The following SLC2A4RG variants were observed in gnomAD, a reference collection of about 807,000 sequenced individuals.
The protein encoded by SLC2A4RG is SLC2A4 regulator.
SLC2A4RG carries 23 observed loss-of-function variants against 35.5 expected under a neutral mutation model. The ratio of observed to expected loss-of-function variants is 0.65; its 90% CI spans 0.47 to 0.92. The LOEUF is 0.92. Among genes scored for constraint, SLC2A4RG ranks in the 40% least tolerant of loss-of-function variants. The pLI is 0.00. For missense variants in SLC2A4RG, 539 were observed against 525.0 expected, an observed-to-expected ratio of 1.03 and a Z score of -0.26; for synonymous variants, 306 against 243.7, an observed-to-expected ratio of 1.26 and a Z score of -2.38.
chr20:63,740,656 G>A (rs1422773783), intron 2 of SLC2A4RG, 125 bp downstream of exon 2: 5 of 981,326 alleles, frequency 5.1e-6, no homozygotes, highest in Middle Eastern at 3.6e-4. Flanking sequence ...CCACCCCCAA[G>A]CTCTTCAGCC....
In SLC2A4RG at chr20:63,739,984, C is replaced by T. The variant is rs962901286; in HGVS notation, c.72C>T (p.Arg24=). 4 of 980,642 alleles carry T rather than the reference C, an allele frequency of 4.1e-6. No individual in the cohort carries two copies. In the African/African-American group the frequency reaches 5.3e-5, roughly 13 times the overall value. 60.7% of individuals were successfully genotyped at this position (980,642 alleles called of 1,614,324 possible). A position where few individuals can be genotyped will look rare whatever the true frequency, so the allele number is the denominator to read the frequency against. ...SALRAEAPWL[R]AEGPGPRAAP... is the part of the protein sequence containing the mutation. ...TGCGGGCCGAGGCGCCGTGGCTGCG[C>T]GCGGAGGGTCCGGGGCCGCGCGCCG... Residue 24 remains arginine (R), a synonymous_variant, in exon 1 of 8, where the codon CGC becomes CGT. Coordinates refer to ENST00000266077, the MANE Select transcript of SLC2A4RG (RefSeq NM_020062.4).
intron 1 of SLC2A4RG, 109 bp from the exon 2 acceptor site, chr20:63,740,268 G>T: frequency 1.3e-6 from 1 of 779,746 alleles, no homozygotes; most frequent in Non-Finnish European, 1.7e-6. Context: ...GTCCACACCG[G>T]CCGCAGCCGG....
chr20:63,741,586 T>A, intron 3 of SLC2A4RG, 107 bp downstream of exon 3: 1 of 1,200,048 alleles, frequency 8.3e-7, no homozygotes, highest in Non-Finnish European at 1.2e-6. Context: ...CTGGGACTCC[T>A]TTCTAAAATG....
At position 63,742,929 on chromosome 20, in the gene SLC2A4RG, G is replaced by C. The variant is rs143654337; in HGVS notation, c.1103G>C (p.Arg368Pro). 1 of 1,612,470 alleles carries C rather than the reference G, an allele frequency of 6.2e-7. No individual in the cohort carries two copies. Among genetic ancestry groups the C allele is most frequent in the South Asian group, 1.1e-5 (1 of 91,032 alleles). Residue 368 changes from arginine (R) to proline (P), a missense_variant, in exon 8 of 8, where the codon CGC (arginine) becomes CCC (proline). By Grantham distance (103) the Arg-to-Pro change is moderately radical (BLOSUM62 -2). Transcript: ENST00000266077. ...KKCRKVYGME[R>P]RDLWCTACRW... ...TGCCGGAAGGTGTATGGCATGGAGC[G>C]CCGGGACCTCTGGTGCACAGCCTGC...
Position 63,740,017 on chromosome 20 carries a change from G to T in SLC2A4RG, c.105G>T (p.Val35=). ...GTCCGGGGCCGCGCGCCGCGCCCGT[G>T]ACGGTGCCCACGCCGCCGCAGGTAC... ...AEGPGPRAAP[V]TVPTPPQGSS... is the part of the protein sequence containing the mutation. The change falls in exon 1 of 8, where the codon GTG becomes GTT. Residue 35 remains valine, a synonymous_variant. Coordinates refer to ENST00000266077, the MANE Select transcript of SLC2A4RG (RefSeq NM_020062.4). 1 of 981,502 alleles carries T rather than the reference G, an allele frequency of 1.0e-6. No homozygotes were observed. Among genetic ancestry groups the T allele is most frequent in the South Asian group, 4.6e-5 (1 of 21,908 alleles). 60.8% of individuals were successfully genotyped at this position (981,502 alleles called of 1,614,324 possible).
intron 3 of SLC2A4RG, 130 bp from the exon 4 acceptor site, chr20:63,741,739 C>T: frequency 1.4e-6 from 2 of 1,434,626 alleles, no homozygotes; most frequent in South Asian, 3.0e-5. Context: ...TCTCCCCAAG[C>T]CCTGGGGCCA....
At chr20:63,741,312 AG>A in intron 2 of SLC2A4RG, 57 bp from the exon 3 acceptor site, 1 of 1,524,706 alleles carries the variant, frequency 6.6e-7, no homozygotes, top group Non-Finnish European at 9.0e-7. Flanking sequence ...TGGACCGACC[AG>A]GGGAGGGGCC....
rs141335773 is a variant in SLC2A4RG, at chr20:63,742,443, T to C, written c.788T>C (p.Val263Ala). Residue 263 changes from valine (V) to alanine (A), a missense_variant, in exon 6 of 8, where the codon GTG (valine) becomes GCG (alanine). Val to Ala is a moderately conservative substitution (Grantham distance 64, BLOSUM62 0). Coordinates refer to ENST00000266077, the MANE Select transcript of SLC2A4RG (RefSeq NM_020062.4). ...LTDGLSSLTP[V>A]SPTASMPPAF... Reference sequence around the variant, plus strand: ...GACGGGCTGTCCAGCCTGACTCCAGTGTCCCCCACGGCCTCCATGCCGCCT... The same window carrying C: ...GACGGGCTGTCCAGCCTGACTCCAGCGTCCCCCACGGCCTCCATGCCGCCT... 6.2e-7 allele frequency: 1 copy of C among 1,604,296 alleles called. No homozygotes were observed. Among genetic ancestry groups the C allele is most frequent in the Non-Finnish European group, 8.5e-7 (1 of 1,176,272 alleles).
chr20:63,742,730 A>G lies in SLC2A4RG; in HGVS notation c.992A>G (p.Gln331Arg), dbSNP rs2092050295. Residue 331 changes from glutamine to arginine, a missense_variant, in exon 7 of 8, where the codon CAG becomes CGG. Transcript: ENST00000266077. ...CTGACGCCCGCCCGCCTGGAGCCGC[A>G]GCCCACGGAGGTCGGAGCCTGCCCA... ...GCLTPARLEP[Q>R]PTEVGACPPA... 6.3e-7 allele frequency: 1 copy of G among 1,597,796 alleles called. No homozygotes were observed. Among genetic ancestry groups the G allele is most frequent in the Non-Finnish European group, 8.5e-7 (1 of 1,173,378 alleles).
rs375432430 is a variant in SLC2A4RG at position 63,741,456 on chromosome 20, C to T, written c.368C>T (p.Ala123Val). 2.5e-6 allele frequency: 4 copies of T among 1,613,352 alleles called. No homozygotes were observed. The highest frequency in any genetic ancestry group is 1.7e-5 in the Admixed American group (1 of 59,998). Residue 123 changes from alanine (A) to valine (V), a missense_variant, in exon 3 of 8, where the codon GCC (alanine) becomes GTC (valine). Ala to Val is a moderately conservative substitution (Grantham distance 64, BLOSUM62 0). Transcript: ENST00000266077. The stretch of plus-strand genomic sequence containing the variant: ...TCCACCAGCCCTCTCCTTCTGGGGG[C>T]CCCGGTTGCAGCCTTCAGCCCAGGT... Reference protein sequence around the residue: ...SLSTSPLLLGAPVAAFSPEPG... With the variant: ...SLSTSPLLLGVPVAAFSPEPG...
chr20:63,742,441 A>G lies in SLC2A4RG; in HGVS notation c.786A>G (p.Pro262=). Residue 262 remains proline, a synonymous_variant, in exon 6 of 8, where the codon CCA becomes CCG. Transcript: ENST00000266077. ...TLTDGLSSLT[P]VSPTASMPPA... is the part of the protein sequence containing the mutation. Reference sequence around the variant, plus strand: ...CCGACGGGCTGTCCAGCCTGACTCCAGTGTCCCCCACGGCCTCCATGCCGC... The same window carrying G: ...CCGACGGGCTGTCCAGCCTGACTCCGGTGTCCCCCACGGCCTCCATGCCGC... 1 of 1,605,120 alleles carries G rather than the reference A, an allele frequency of 6.2e-7. No homozygotes were observed. The highest frequency in any genetic ancestry group is 8.5e-7 in the Non-Finnish European group (1 of 1,176,652).
chr20:63,742,559 C>A lies in SLC2A4RG; in HGVS notation c.904C>A (p.Pro302Thr). The change falls in exon 6 of 8, where the codon CCT becomes ACT. Residue 302 changes from proline to threonine, a missense_variant. Physicochemically the swap from Pro to Thr is conservative, Grantham distance 38 (BLOSUM62 -1). Coordinates refer to ENST00000266077, the MANE Select transcript of SLC2A4RG (RefSeq NM_020062.4). The stretch of plus-strand genomic sequence containing the variant: ...GCCTGCCCCGCCCCTGCCCCCGCCC[C>A]CTGTCCTGAGCACCGTTGCTAACCC... ...RPPAPPLPPP[P>T]VLSTVANPQS... 6.3e-7 allele frequency: 1 copy of A among 1,578,800 alleles called. No homozygotes were observed. Among genetic ancestry groups the A allele is most frequent in the Non-Finnish European group, 8.6e-7 (1 of 1,161,204 alleles).
chr20:63,741,468 C>G lies in SLC2A4RG; in HGVS notation c.380C>G (p.Ala127Gly), dbSNP rs1390555575. ...SPLLLGAPVAAFSPEPGLEPW... is the reference protein window; with the variant it reads ...SPLLLGAPVAGFSPEPGLEPW... ...CTCCTTCTGGGGGCCCCGGTTGCAG[C>G]CTTCAGCCCAGGTAAGACTCAGATG... Residue 127 changes from alanine (A) to glycine (G), a missense_variant, in exon 3 of 8, where the codon GCC (alanine) becomes GGC (glycine). Ala to Gly is a moderately conservative substitution (Grantham distance 60). Transcript: ENST00000266077. 6.2e-7 allele frequency: 1 copy of G among 1,613,050 alleles called. No homozygotes were observed. The highest frequency in any genetic ancestry group is 1.3e-5 in the African/African-American group (1 of 74,924).
chr20:63,742,245 G>T lies in SLC2A4RG; in HGVS notation c.680+15G>T, dbSNP rs1485524103. ...GTGCACCTGGGGTGCGGCGGGGCCT[G>T]GGGTGCGGCGGGGCCTGCGGGTTGG... On this transcript the variant is annotated intron_variant, in intron 5 of 7. Coordinates refer to ENST00000266077, the MANE Select transcript of SLC2A4RG (RefSeq NM_020062.4). The T allele has an allele frequency of 6.3e-7, 1 of 1,582,950 alleles. No individual in the cohort carries two copies. Among genetic ancestry groups the T allele is most frequent in the African/African-American group, 1.3e-5 (1 of 74,284 alleles).
intron 2 of SLC2A4RG, 91 bp downstream of exon 2, chr20:63,740,622 G>C (rs2092036777): frequency 9.3e-6 from 11 of 1,187,584 alleles, no homozygotes; most frequent in Non-Finnish European, 1.2e-5. Context: ...GGCCAGGTCA[G>C]GGCCCCAGGT....
intron 3 of SLC2A4RG, 34 bp downstream of exon 3, chr20:63,741,513 G>C (rs1460328102): frequency 6.3e-7 from 1 of 1,582,316 alleles, no homozygotes; most frequent in African/African-American, 1.3e-5. Flanking sequence ...AGGGGTGTGG[G>C]TGGGGACAGG....
chr20:63,743,182 C>T lies in SLC2A4RG; in HGVS notation c.*192C>T. On this transcript the variant is annotated 3_prime_UTR_variant, in exon 8 of 8. Transcript: ENST00000266077. ...GCCAGGTCGGGGAGGGGTCCCACCA[C>T]TCAAAGTGCCTCTAAAGAAACCAGC... 1.8e-6 allele frequency: 1 copy of T among 548,022 alleles called. No individual in the cohort carries two copies. The highest frequency in any genetic ancestry group is 3.3e-6 in the Non-Finnish European group (1 of 307,230). 33.9% of individuals were successfully genotyped at this position (548,022 alleles called of 1,614,324 possible).
chr20:63,740,545 C>T lies in SLC2A4RG; in HGVS notation c.281+14C>T. The T allele has an allele frequency of 1.9e-5, 23 of 1,228,860 alleles. No homozygotes were observed. Among genetic ancestry groups the T allele is most frequent in the Non-Finnish European group, 2.2e-5 (22 of 985,872 alleles). 76.1% of individuals were successfully genotyped at this position (1,228,860 alleles called of 1,614,324 possible). On this transcript the variant is annotated intron_variant, in intron 2 of 7. Coordinates refer to ENST00000266077, the MANE Select transcript of SLC2A4RG (RefSeq NM_020062.4). The stretch of plus-strand genomic sequence containing the variant: ...CCCAGCGCAGAGGTGAGCGGGAGGC[C>T]CGGTGCCTCGGGACTCGGTGTGCGC...
chr20:63,740,227 C>A, intron 1 of SLC2A4RG, 150 bp from the exon 2 acceptor site: 1 of 459,294 alleles, frequency 2.2e-6, no homozygotes, highest in Non-Finnish European at 3.0e-6. Context: ...CCGCGCCGGG[C>A]TGGGGGCGGG....
Sources: gnomAD v4.1 joint callset for allele counts on GRCh38, gnomAD v4.1.1 for gene constraint, MANE v1.5 for transcripts, NCBI Gene and HGNC (gene_info 2026-07-23, HGNC 2026-07-21) for gene names.